TRIM3: variants seen among roughly 807,000 people sequenced by gnomAD.
TRIM3 encodes tripartite motif containing 3, also known as tripartite motif-containing protein 3.
A neutral mutation model predicts 66.6 loss-of-function variants in TRIM3; 13 were observed. That is an observed-to-expected ratio of 0.20 (90% CI 0.13 to 0.31). The LOEUF (loss-of-function observed/expected upper bound fraction) is 0.31. TRIM3 is among the 10% of genes least tolerant of loss of function. The pLI, the probability that TRIM3 is intolerant of heterozygous loss-of-function variation, is 1.00. For missense variants in TRIM3, 711 were observed against 1,020.4 expected (o/e 0.70, Z 4.13); for synonymous variants, 406 against 411.7 (o/e 0.99, Z 0.17).
At chr11:6,470,486 C>T (rs957034658) in intron 1 of TRIM3, among the ~76,000 whole-genome samples, 2 of 152,260 alleles carry the variant, frequency 1.3e-5, no homozygotes, top group East Asian at 1.9e-4. Flanking sequence ...TCACTGTAGC[C>T]TCAAACTCCT....
intron 1 of TRIM3, among the ~76,000 whole-genome samples, chr11:6,470,570 G>C (rs1293898315): frequency 6.6e-6 from 1 of 152,168 alleles, no homozygotes; most frequent in African/African-American, 2.4e-5. Context: ...CACCCAGCTA[G>C]AGTTCACTGT....
intron 1 of TRIM3, among the ~76,000 whole-genome samples, chr11:6,472,156 A>G (rs1022059149): frequency 1.3e-5 from 2 of 152,162 alleles, no homozygotes; most frequent in African/African-American, 4.8e-5. Context: ...TCTAGGATCT[A>G]GTCCTAATGC....
intron 1 of TRIM3, among the ~76,000 whole-genome samples, chr11:6,468,689 A>C (rs755092746): frequency 1.3e-4 from 20 of 152,172 alleles, no homozygotes; most frequent in Non-Finnish European, 2.4e-4. Flanking sequence ...CTGAAGAGTA[A>C]ATGGGAGATG....
Position 6,456,448 on chromosome 11 carries a change from A to T in TRIM3, c.1278T>A (p.Pro426=), listed in dbSNP as rs1272699756. 1.3e-6 allele frequency: 2 copies of T among 1,537,058 alleles called. No individual in the cohort carries two copies. Among genetic ancestry groups the T allele is most frequent in the East Asian group, 4.5e-5 (2 of 44,030 alleles). The change falls in exon 6 of 12, where the codon CCT becomes CCA. Residue 426 remains proline (P), a synonymous_variant. Coordinates refer to ENST00000345851, the MANE Select transcript of TRIM3 (RefSeq NM_033278.4). The surrounding 1 kb of genome is among the most constrained non-coding windows in gnomAD (Gnocchi z 6.4). ...VRALRPGDLP[P]SPDDVKRRVK... ...CACGGCGCTTCACATCGTCCGGGGA[A>T]GGTGGCAGGTCCCCCGGACGCAGGG...
In TRIM3 at chr11:6,448,791, T is replaced by C. The variant is rs1444672701; in HGVS notation, c.*237A>G. ...GGGGAGGTGTGTAAGAAGGGTAGGGTGAAGCTCTGCACACATCCTTGGGAC... is the reference window on the plus strand; with the variant it reads ...GGGGAGGTGTGTAAGAAGGGTAGGGCGAAGCTCTGCACACATCCTTGGGAC... On this transcript the variant is annotated 3_prime_UTR_variant, in exon 12 of 12. Coordinates refer to ENST00000345851, the MANE Select transcript of TRIM3 (RefSeq NM_033278.4). 3.3e-6 allele frequency: 2 copies of C among 613,562 alleles called. No homozygotes were observed. The highest frequency in any genetic ancestry group is 3.9e-5 in the South Asian group (2 of 51,412). The allele number at this position is 613,562 out of a possible 1,614,324, so 38.0% of individuals were successfully genotyped here.
At chr11:6,453,622 T>C (rs1393102211) in intron 7 of TRIM3, among the ~76,000 whole-genome samples, 1 of 152,252 alleles carries the variant, frequency 6.6e-6, no homozygotes, top group Non-Finnish European at 1.5e-5. Context: ...TTTAACATTC[T>C]GCCTAAGGGA....
intron 2 of TRIM3, among the ~76,000 whole-genome samples, chr11:6,459,681 T>G (rs1468374414): frequency 6.6e-6 from 1 of 152,096 alleles, no homozygotes; most frequent in Non-Finnish European, 1.5e-5. Context: ...GACTATGAGG[T>G]GGAAATAAAT....
intron 1 of TRIM3, among the ~76,000 whole-genome samples, chr11:6,468,895 C>T (rs1260681380): frequency 3.0e-5 from 4 of 133,450 alleles, no homozygotes; most frequent in Non-Finnish European, 3.3e-5. Flanking sequence ...AATGCAGGAG[C>T]GAGTCTAGAT....
At chr11:6,465,480 G>T in intron 2 of TRIM3, 85 bp downstream of exon 2, 7 of 1,547,732 alleles carry the variant, frequency 4.5e-6, no homozygotes, top group Non-Finnish European at 6.2e-6. Context: ...GTTTACACAT[G>T]CTCCCTCACC....
chr11:6,456,837 C>T lies in TRIM3; in HGVS notation c.889G>A (p.Glu297Lys), dbSNP rs777231519. 5.6e-6 allele frequency: 9 copies of T among 1,613,030 alleles called. No individual in the cohort carries two copies. Residue 297 changes from glutamate to lysine, a missense_variant, in exon 6 of 12, where the codon GAA becomes AAA. Transcript: ENST00000345851. This position sits in a 1 kb window ranked among gnomAD's most constrained non-coding sequence, Gnocchi z 6.4. ...PERPHENAQL[E>K]LVLEVDGLRR... is the part of the protein sequence containing the mutation. ...AGACCGTCCACCTCAAGGACCAGTT[C>T]CAGCTGTGCATTCTCATGTGGCCGC... is the stretch of plus-strand genomic sequence containing the variant.
intron 2 of TRIM3, among the ~76,000 whole-genome samples, chr11:6,460,095 C>G (rs1025898103): frequency 6.6e-6 from 1 of 152,096 alleles, no homozygotes; most frequent in Admixed American, 6.6e-5. Flanking sequence ...AAGACCAGGC[C>G]GAGAGGCAGG....
intron 7 of TRIM3, among the ~76,000 whole-genome samples, chr11:6,454,556 T>C (rs1256989307): frequency 6.6e-6 from 1 of 151,572 alleles, no homozygotes; most frequent in Admixed American, 6.6e-5. Flanking sequence ...GCCTAGGGAG[T>C]TGGAAAGGAG....
At chr11:6,453,862 G>C (rs1010233204) in intron 7 of TRIM3, among the ~76,000 whole-genome samples, 3 of 152,240 alleles carry the variant, frequency 2.0e-5, no homozygotes, top group Admixed American at 6.5e-5. Flanking sequence ...ACTGAGAGGA[G>C]GAGGGGGATC....
chr11:6,474,155 C>CCGGATCCCGGATCT (rs1281751672), upstream of TRIM3: 10 of 151,860 alleles, frequency 6.6e-5, no homozygotes, highest in Admixed American at 3.3e-4. Flanking sequence ...GGCCGGCGAG[C>CCGGATCCCGGATCT]CGGATCCCGG....
intron 7 of TRIM3, among the ~76,000 whole-genome samples, chr11:6,454,659 C>T (rs1849890965): frequency 6.6e-6 from 1 of 152,172 alleles, no homozygotes; most frequent in Admixed American, 6.5e-5. Context: ...AAATGCCTTC[C>T]TGTGCTGCAC....
Position 6,450,295 on chromosome 11 carries a change from A to C in TRIM3, c.1941+256T>G. The C allele has an allele frequency of 1.9e-6, 1 of 526,822 alleles. No individual in the cohort carries two copies. Among genetic ancestry groups the C allele is most frequent in the Admixed American group, 3.4e-5 (1 of 29,762 alleles). The allele number at this position is 526,822 out of a possible 1,614,324, so 32.6% of individuals were successfully genotyped here. A position where few individuals can be genotyped will look rare whatever the true frequency, so the allele number is the denominator to read the frequency against. On this transcript the variant is annotated intron_variant, in intron 10 of 11. Coordinates refer to ENST00000345851, the MANE Select transcript of TRIM3 (RefSeq NM_033278.4). The surrounding 1 kb of genome is among the most constrained non-coding windows in gnomAD (Gnocchi z 4.8). The stretch of plus-strand genomic sequence containing the variant: ...CACAGAATCTATTACATCATATTGT[A>C]ATTTTTTGGTTACCTTTTTCTCTTC...
At chr11:6,451,533 C>T in intron 7 of TRIM3, 95 bp from the exon 8 acceptor site, 1 of 1,355,564 alleles carries the variant, frequency 7.4e-7, no homozygotes, top group East Asian at 2.3e-5. Context: ...GAGACCCCCC[C>T]ACCACCATTT....
At chr11:6,452,666 T>A (rs1849779390) in intron 7 of TRIM3, 1 of 152,242 alleles carries the variant, frequency 6.6e-6, no homozygotes, top group African/African-American at 2.4e-5. Context: ...TGGTCCCCTG[T>A]GGCAGGACAG....
chr11:6,449,069 C>T lies in TRIM3; in HGVS notation c.2194G>A (p.Ala732Thr). 6.2e-7 allele frequency: 1 copy of T among 1,614,188 alleles called. No individual in the cohort carries two copies. The highest frequency in any genetic ancestry group is 8.5e-7 in the Non-Finnish European group (1 of 1,180,006). Residue 732 changes from alanine (A) to threonine (T), a missense_variant, in exon 12 of 12, where the codon GCT becomes ACT. Ala to Thr is a moderately conservative substitution (Grantham distance 58, BLOSUM62 0). Coordinates refer to ENST00000345851, the MANE Select transcript of TRIM3 (RefSeq NM_033278.4). This position sits in a 1 kb window ranked among gnomAD's most constrained non-coding sequence, Gnocchi z 5.3. ...TSDGHVVVAD[A>T]GNHCFKAYRY... The stretch of plus-strand genomic sequence containing the variant: ...TAGGCTTTAAAGCAGTGGTTGCCAG[C>T]ATCAGCCACCACCACATGGCCATCC...
Sources: gnomAD v4.1 joint callset for allele counts (sites outside exome capture counted in the v4.1 genomes callset) on GRCh38, gnomAD v4.1.1 for gene constraint, Gnocchi (gnomAD v3.1) non-coding constraint, MANE v1.5 for transcripts, NCBI Gene and HGNC (gene_info 2026-07-23, HGNC 2026-07-21) for gene names.